The following DOCK8 variants were observed in gnomAD, a reference collection of about 807,000 sequenced individuals.
DOCK8 encodes dedicator of cytokinesis protein 8.
A neutral mutation model predicts 245.6 loss-of-function variants in DOCK8; 141 were observed. That is an observed-to-expected ratio of 0.57 (90% confidence interval 0.50 to 0.66). DOCK8 has a LOEUF of 0.66. Among genes scored for constraint, DOCK8 ranks in the 30% least tolerant of loss-of-function variants. The pLI, the probability that DOCK8 is intolerant of heterozygous loss-of-function variation, is 0.00. For missense variants in DOCK8, 2,965 were observed against 2,603.4 expected (o/e 1.14, Z -3.02); for synonymous variants, 1,168 against 970.2 (o/e 1.20, Z -3.79).
intron 14 of DOCK8, among the ~76,000 whole-genome samples, chr9:360,173 G>A (rs1299346118): frequency 6.6e-6 from 1 of 151,734 alleles, no homozygotes; most frequent in African/African-American, 2.4e-5. Context: ...AAAATTAGCC[G>A]GGCCTGGTAG....
At chr9:224,425 A>C (rs181454576) in intron 1 of DOCK8, among the ~76,000 whole-genome samples, 1 of 152,194 alleles carries the variant, frequency 6.6e-6, no homozygotes. Flanking sequence ...GCACATTAGC[A>C]AAAAGAAGAT....
intron 2 of DOCK8, among the ~76,000 whole-genome samples, chr9:275,184 C>G (rs1170197626): frequency 1.3e-5 from 2 of 151,632 alleles, no homozygotes; most frequent in African/African-American, 4.9e-5. Flanking sequence ...ATAATGGGTC[C>G]TTTGTATATA....
At chr9:320,082 AC>A (rs2050521196) in intron 7 of DOCK8, among the ~76,000 whole-genome samples, 1 of 152,236 alleles carries the variant, frequency 6.6e-6, no homozygotes, top group African/African-American at 2.4e-5. Context: ...TCTGGGGACT[AC>A]ACTTAAAGAA....
Position 452,037 on chromosome 9 carries a change from T to A in DOCK8, c.5988T>A (p.Phe1996Leu), listed in dbSNP as rs752136091. 4 of 1,603,646 alleles carry A rather than the reference T, an allele frequency of 2.5e-6. No homozygotes were observed. Among genetic ancestry groups the A allele is most frequent in the Non-Finnish European group, 3.4e-6 (4 of 1,175,216 alleles). Residue 1996 changes from phenylalanine to leucine, a missense_variant, in exon 46 of 48, where the codon TTT (phenylalanine) becomes TTA (leucine). Transcript: ENST00000432829. ...NQGPLEVAQV[F>L]LAEIPADPKL... ...GACCACTGGAAGTAGCCCAAGTGTT[T>A]TTGGCTGAAATTCCTGCTGATCCAA... is the stretch of plus-strand genomic sequence containing the variant.
At chr9:406,710 C>A (rs1357007282) in intron 27 of DOCK8, among the ~76,000 whole-genome samples, 2 of 152,054 alleles carry the variant, frequency 1.3e-5, no homozygotes, top group Non-Finnish European at 2.9e-5. Context: ...GCTTTATTTT[C>A]ATCTTTCCCG....
intron 10 of DOCK8, among the ~76,000 whole-genome samples, chr9:333,567 C>T (rs992987236): frequency 4.0e-5 from 6 of 150,766 alleles, no homozygotes; most frequent in Non-Finnish European, 8.8e-5. Context: ...TGCCACTGCA[C>T]TCCAGCCTGG....
At position 311,976 on chromosome 9, in the gene DOCK8, T is replaced by C; in HGVS notation, c.551T>C (p.Val184Ala). 6.2e-7 allele frequency: 1 copy of C among 1,614,124 alleles called. No individual in the cohort carries two copies. Among genetic ancestry groups the C allele is most frequent in the Non-Finnish European group, 8.5e-7 (1 of 1,180,040 alleles). Residue 184 changes from valine to alanine, a missense_variant, in exon 6 of 48, where the codon GTG becomes GCG. Val to Ala is a moderately conservative substitution (Grantham distance 64). Coordinates refer to ENST00000432829, the MANE Select transcript of DOCK8 (RefSeq NM_203447.4). ...CAGGCAGGCCCCCGCCACTTAAACG[T>C]GCTGTGCGACGTGTCTGGGAAAGGC... ...AAQAGPRHLNVLCDVSGKGPV... is the reference protein window; with the variant it reads ...AAQAGPRHLNALCDVSGKGPV...
At chr9:374,882 A>G (rs1373600574) in intron 18 of DOCK8, among the ~76,000 whole-genome samples, 1 of 152,158 alleles carries the variant, frequency 6.6e-6, no homozygotes, top group Non-Finnish European at 1.5e-5. Context: ...AAGTGCCCAC[A>G]GGATCCAGAT....
chr9:346,754 T>G (rs2130981219), intron 14 of DOCK8, among the ~76,000 whole-genome samples: 1 of 152,152 alleles, frequency 6.6e-6, no homozygotes, highest in South Asian at 2.1e-4. Context: ...TCTTAAGGAG[T>G]ACTACCCACC....
At position 298,242 on chromosome 9, in the gene DOCK8, C is replaced by T. The variant is rs148508050; in HGVS notation, c.405-6339C>T. Among the ~76,000 whole-genome samples the T allele has an allele frequency of 5.7e-3, 869 of 152,108 alleles. 10 individuals are homozygous for T. Among genetic ancestry groups the T allele is most frequent in the African/African-American group, 0.02 (827 of 41,488 alleles). ...GAGTTCGAGACCAGCCTGGCCAACA[C>T]GGCAAAACCCCGTCTCTACTAAAAA... On this transcript the variant is annotated intron_variant, in intron 4 of 47. Transcript: ENST00000432829.
chr9:417,231 G>A (rs748549523), intron 29 of DOCK8, among the ~76,000 whole-genome samples: 47 of 152,256 alleles, frequency 3.1e-4, no homozygotes, highest in Non-Finnish European at 5.0e-4. Context: ...TGCAGTGAGC[G>A]GAGATGGCGC....
chr9:382,535 C>G lies in DOCK8; in HGVS notation c.2628C>G (p.Asp876Glu). ...PKSGAPTALL[D>E]PRSYHTYGRT... ...CAGGCGCTCCCACTGCCCTCCTAGA[C>G]CCTCGGAGCTACCACACGTATGGCC... Residue 876 changes from aspartate to glutamate, a missense_variant, in exon 22 of 48, where the codon GAC becomes GAG. Asp to Glu is a conservative substitution (Grantham distance 45). Transcript: ENST00000432829. 6.2e-7 allele frequency: 1 copy of G among 1,613,912 alleles called. No individual in the cohort carries two copies. Among genetic ancestry groups the G allele is most frequent in the South Asian group, 1.1e-5 (1 of 91,074 alleles).
chr9:403,917 CATATATATATATGTGTAT>C (rs1388157370), intron 26 of DOCK8, among the ~76,000 whole-genome samples: 1 of 65,142 alleles, frequency 1.5e-5, no homozygotes, highest in African/African-American at 8.1e-5. Context: ...TATATATATA[CATATATATATATGTGTAT>C]ATATATATGT....
intron 4 of DOCK8, among the ~76,000 whole-genome samples, chr9:298,430 A>C (rs2049363951): frequency 6.6e-6 from 1 of 152,176 alleles, no homozygotes; most frequent in Non-Finnish European, 1.5e-5. Flanking sequence ...GTCTCCAAAA[A>C]CAAAAACAAA....
At chr9:350,810 C>A (rs1185582038) in intron 14 of DOCK8, among the ~76,000 whole-genome samples, 1 of 152,170 alleles carries the variant, frequency 6.6e-6, no homozygotes, top group Non-Finnish European at 1.5e-5. Context: ...AGAGGAATTA[C>A]TGAAGGGGGA....
intron 1 of DOCK8, among the ~76,000 whole-genome samples, chr9:255,681 A>AC (rs1479462467): frequency 3.3e-5 from 5 of 151,508 alleles, no homozygotes; most frequent in African/African-American, 1.2e-4. Flanking sequence ...AAAAAAAAAA[A>AC]AAAAAAAAAA....
At chr9:366,759 C>CGTTG (rs1440699533) in intron 14 of DOCK8, among the ~76,000 whole-genome samples, 1 of 152,198 alleles carries the variant, frequency 6.6e-6, no homozygotes, top group Non-Finnish European at 1.5e-5. Context: ...TTTTGCTCAA[C>CGTTG]GCCCCCTACC....
At chr9:283,316 C>G (rs796358648) in intron 2 of DOCK8, among the ~76,000 whole-genome samples, 31 of 152,278 alleles carry the variant, frequency 2.0e-4, no homozygotes, top group African/African-American at 7.5e-4. Flanking sequence ...TTTTTTGTGC[C>G]TCCATGACGC....
At chr9:373,087 A>G (rs149331851) in intron 18 of DOCK8, among the ~76,000 whole-genome samples, 16,716 of 152,160 alleles carry the variant, frequency 0.11, 2,027 homozygotes, top group African/African-American at 0.3. Context: ...GAATCGCTTT[A>G]ACCTGGGAAG....
Sources: allele counts gnomAD v4.1 joint callset (sites outside exome capture counted in the v4.1 genomes callset), GRCh38; gene constraint gnomAD v4.1.1; transcripts MANE v1.5; gene names NCBI Gene and HGNC (gene_info 2026-07-23, HGNC 2026-07-21).